Variants in DOCK8 observed in about 807,000 individuals in gnomAD.
The protein encoded by DOCK8 is dedicator of cytokinesis protein 8.
Under a neutral mutation model 245.6 loss-of-function variants are expected in DOCK8, and 141 were observed. That is an observed-to-expected ratio of 0.57 (90% CI 0.50 to 0.66). DOCK8 has a LOEUF of 0.66. DOCK8 is among the 30% of genes least tolerant of loss of function. The probability of loss-of-function intolerance (pLI) is 0.00; values close to 1 mark genes in which losing one functional copy is unlikely to be tolerated. For missense variants in DOCK8, 2,965 were observed against 2,603.4 expected (o/e 1.14, Z -3.02); for synonymous variants, 1,168 against 970.2 (o/e 1.20, Z -3.79).
chr9:304,240 G>T (rs1043633890), intron 4 of DOCK8, among the ~76,000 whole-genome samples: 2 of 152,100 alleles, frequency 1.3e-5, no homozygotes, highest in Non-Finnish European at 2.9e-5. Context: ...TCTGCACATT[G>T]CTAGATTTAT....
rs141954098 is a variant in DOCK8 at position 340,028 on chromosome 9, G to A, written c.1517-131G>A. On this transcript the variant is annotated intron_variant, in intron 13 of 47. Coordinates refer to ENST00000432829, the MANE Select transcript of DOCK8 (RefSeq NM_203447.4). ...ACTTTTCTCAAGCTGTAGGAAATTA[G>A]CTCCAAAACTTTTTTACAGTACTAT... 2.7e-3 allele frequency: 2,621 copies of A among 956,398 alleles called. 42 individuals carry two copies. The East Asian group carries it at 0.05, about 18-fold the overall frequency. 59.2% of individuals were successfully genotyped at this position (956,398 alleles called of 1,614,324 possible).
chr9:288,555 T>TTAA (rs1217804637), intron 3 of DOCK8, among the ~76,000 whole-genome samples: 1 of 152,248 alleles, frequency 6.6e-6, no homozygotes, highest in Non-Finnish European at 1.5e-5. Flanking sequence ...GTGTAAACTA[T>TTAA]TAATATCATA....
intron 7 of DOCK8, 80 bp downstream of exon 7, chr9:317,208 G>T: frequency 8.4e-7 from 1 of 1,190,374 alleles, no homozygotes. Context: ...TATTATCAGA[G>T]CTTGAATCAA....
chr9:251,599 T>C (rs2047647765), intron 1 of DOCK8, among the ~76,000 whole-genome samples: 1 of 152,192 alleles, frequency 6.6e-6, no homozygotes, highest in African/African-American at 2.4e-5. Context: ...GTGATAACAT[T>C]TTCCAGTAGG....
chr9:327,824 A>AT lies in DOCK8; in HGVS notation c.895-197dup, dbSNP rs2050831677. 2.6e-5 allele frequency among the ~76,000 whole-genome samples: 4 copies of AT among 152,348 alleles called. No individual in the cohort carries two copies. In the South Asian group the frequency reaches 8.3e-4, roughly 32 times the overall value. The stretch of plus-strand genomic sequence containing the variant: ...AAATGTTTCAAGGAACATCTCTCAA[A>AT]TGGCTCCAGAATACCTAGACATTGT... On this transcript the variant is annotated intron_variant, in intron 8 of 47. Coordinates refer to ENST00000432829, the MANE Select transcript of DOCK8 (RefSeq NM_203447.4).
chr9:365,016 G>A (rs2131154282), intron 14 of DOCK8, among the ~76,000 whole-genome samples: 1 of 152,288 alleles, frequency 6.6e-6, no homozygotes, highest in Admixed American at 6.5e-5. Flanking sequence ...ACGAAGGAAG[G>A]AATAAGTTTG....
chr9:437,178 C>T (rs753731680), intron 39 of DOCK8, among the ~76,000 whole-genome samples: 6 of 152,192 alleles, frequency 3.9e-5, no homozygotes, highest in African/African-American at 7.2e-5. Context: ...TTTATCAGCC[C>T]GTCTGAGGAA....
At chr9:461,709 T>A (rs1342173916) in intron 46 of DOCK8, among the ~76,000 whole-genome samples, 3 of 151,712 alleles carry the variant, frequency 2.0e-5, no homozygotes, top group Non-Finnish European at 2.9e-5. Context: ...ACCCAGCTAA[T>A]TTTTATATTT....
At chr9:329,343 CA>C (rs56318916) in intron 9 of DOCK8, among the ~76,000 whole-genome samples, 32,323 of 151,952 alleles carry the variant, frequency 0.21, 3,598 homozygotes, top group African/African-American at 0.27. Context: ...CTAGTTAGTA[CA>C]GTGTTTTATG....
At chr9:345,314 G>A (rs7028453) in intron 14 of DOCK8, among the ~76,000 whole-genome samples, 120,225 of 152,096 alleles carry the variant, frequency 0.79, 48,017 homozygotes, top group South Asian at 0.88. Flanking sequence ...ATATGGCTTG[G>A]CTTATAAAAA....
At chr9:464,007 A>T in intron 47 of DOCK8, 152 bp from the exon 48 acceptor site, 3 of 786,754 alleles carry the variant, frequency 3.8e-6, no homozygotes, top group Non-Finnish European at 6.7e-6. Flanking sequence ...AAGGGGTCGC[A>T]GACCTTTCAC....
At chr9:334,711 G>C (rs559543964) in intron 11 of DOCK8, among the ~76,000 whole-genome samples, 1 of 152,120 alleles carries the variant, frequency 6.6e-6, no homozygotes, top group East Asian at 1.9e-4. Context: ...ACCATCTGTA[G>C]TGTGTTAAGC....
chr9:227,614 A>AC (rs1444733068), intron 1 of DOCK8, among the ~76,000 whole-genome samples: 33 of 152,246 alleles, frequency 2.2e-4, no homozygotes, highest in African/African-American at 7.9e-4. Flanking sequence ...TCTCACCATA[A>AC]CCTAGCCCAC....
chr9:339,065 A>G lies in DOCK8; in HGVS notation c.1482A>G (p.Ser494=). 1.2e-6 allele frequency: 2 copies of G among 1,614,142 alleles called. No individual in the cohort carries two copies. The highest frequency in any genetic ancestry group is 1.1e-5 in the South Asian group (1 of 91,088). The part of the protein sequence containing the change: ...LFKFLADYKR[S]SSLQRRVKSI... Reference sequence around the variant, plus strand: ...AGTTTTTAGCTGACTACAAAAGATCATCATCCTTACAGAGACGAGTCAAGT... The same window carrying G: ...AGTTTTTAGCTGACTACAAAAGATCGTCATCCTTACAGAGACGAGTCAAGT... The change falls in exon 13 of 48, where the codon TCA becomes TCG. Residue 494 remains serine (S), a synonymous_variant. Coordinates refer to ENST00000432829, the MANE Select transcript of DOCK8 (RefSeq NM_203447.4).
chr9:306,234 G>A (rs778038149), intron 5 of DOCK8, among the ~76,000 whole-genome samples: 42 of 152,140 alleles, frequency 2.8e-4, no homozygotes, highest in Non-Finnish European at 8.8e-5. Flanking sequence ...TAATTTTTCA[G>A]ACAAGGTGGT....
Position 325,682 on chromosome 9 carries a change from A to G in DOCK8, c.839A>G (p.Glu280Gly). 6.2e-7 allele frequency: 1 copy of G among 1,614,030 alleles called. No individual in the cohort carries two copies. The highest frequency in any genetic ancestry group is 1.3e-5 in the African/African-American group (1 of 75,046). Residue 280 changes from glutamate to glycine, a missense_variant, in exon 8 of 48, where the codon GAA becomes GGA. By Grantham distance (98) the Glu-to-Gly change is moderately conservative. This residue lies in a region of DOCK8 where 2,825 missense variants were observed against 2,453.5 expected (regional missense o/e 1.15). Transcript: ENST00000432829. ...TCTTTCTATGGTAGGTTCGAGATTG[A>G]AATTGAGCCCCTGTTTGCCAGCATT... is the stretch of plus-strand genomic sequence containing the variant. ...VKLLTLKFEI[E>G]IEPLFASIAL...
chr9:445,662 G>C (rs1479726564), intron 43 of DOCK8, among the ~76,000 whole-genome samples: 1 of 152,174 alleles, frequency 6.6e-6, no homozygotes, highest in African/African-American at 2.4e-5. Flanking sequence ...TTCCGTTGCT[G>C]AGTAGTATTC....
chr9:354,845 A>T (rs1478202975), intron 14 of DOCK8, among the ~76,000 whole-genome samples: 1 of 152,202 alleles, frequency 6.6e-6, no homozygotes, highest in Non-Finnish European at 1.5e-5. Flanking sequence ...AGCAAGACAG[A>T]GGCCAGGGTC....
intron 5 of DOCK8, among the ~76,000 whole-genome samples, chr9:305,530 C>T (rs1448173970): frequency 6.6e-6 from 1 of 152,192 alleles, no homozygotes; most frequent in Admixed American, 6.5e-5. Flanking sequence ...TGTGATCCGC[C>T]CGCCTCGGCC....
Sources: allele counts gnomAD v4.1 joint callset (sites outside exome capture counted in the v4.1 genomes callset), GRCh38; gene constraint gnomAD v4.1.1; regional missense constraint gnomAD v4.1.1; transcripts MANE v1.5; gene names NCBI Gene and HGNC (gene_info 2026-07-23, HGNC 2026-07-21).